FBXO3: variants seen among roughly 807,000 people sequenced by gnomAD.
FBXO3 encodes F-box only protein 3.
In FBXO3, 17 loss-of-function variants were observed where a neutral mutation model predicts 64.8. That is an observed-to-expected ratio of 0.26 (90% CI 0.18 to 0.39). FBXO3 has a LOEUF of 0.39. Ranked by LOEUF, FBXO3 falls within the 10% of genes least tolerant of loss-of-function variation. FBXO3 has a pLI of 1.00. For synonymous variants in FBXO3, 182 were observed against 201.6 expected (o/e 0.90, Z 0.82); for missense variants, 420 against 589.9 (o/e 0.71, Z 2.98).
At chr11:33,759,308 A>T (rs1281312813) in intron 3 of FBXO3, among the ~76,000 whole-genome samples, 1 of 152,230 alleles carries the variant, frequency 6.6e-6, no homozygotes, top group Non-Finnish European at 1.5e-5. Flanking sequence ...TTGTCTTTAG[A>T]CAAGAATTGC....
intron 4 of FBXO3, among the ~76,000 whole-genome samples, chr11:33,756,751 T>C (rs1427647807): frequency 2.0e-5 from 3 of 151,438 alleles, no homozygotes; most frequent in Non-Finnish European, 4.4e-5. Context: ...GATTTCTTTC[T>C]TTTTTTTTGA....
chr11:33,755,220 A>G (rs554058551), intron 5 of FBXO3, among the ~76,000 whole-genome samples: 5 of 152,340 alleles, frequency 3.3e-5, no homozygotes, highest in Non-Finnish European at 7.3e-5. Flanking sequence ...TAAAAAGTTC[A>G]TATCTAGGCA....
chr11:33,765,122 G>A (rs915056491), intron 3 of FBXO3, among the ~76,000 whole-genome samples: 3 of 152,130 alleles, frequency 2.0e-5, no homozygotes, highest in Admixed American at 6.5e-5. Context: ...ATGGAAAATC[G>A]GGGGAAATTC....
chr11:33,746,419 T>C (rs1854813754), intron 10 of FBXO3: 1 of 401,240 alleles, frequency 2.5e-6, no homozygotes, highest in African/African-American at 2.0e-5. Context: ...GTTGAAAATG[T>C]GTCAGCTCTG....
chr11:33,751,577 TAAGAGG>T lies in FBXO3; in HGVS notation c.749_754del (p.Thr250_Tyr252delinsAsn), dbSNP rs1854958813. On this transcript the variant is annotated inframe_deletion, in exon 7 of 11. Transcript: ENST00000265651. ...GCCACCTGATACAACATTTTTGACA[TAAGAGG>T]TAAACCAGTCAGTAAAAGTAGCACC... 6.2e-7 allele frequency: 1 copy of T among 1,607,658 alleles called. No individual in the cohort carries two copies. Among genetic ancestry groups the T allele is most frequent in the Non-Finnish European group, 8.5e-7 (1 of 1,177,564 alleles).
chr11:33,748,259 C>T (rs1359062013), intron 9 of FBXO3, among the ~76,000 whole-genome samples: 2 of 151,982 alleles, frequency 1.3e-5, no homozygotes, highest in African/African-American at 2.4e-5. Context: ...ATTTAGAAAA[C>T]GTTAAACTGA....
At chr11:33,769,346 C>A (rs112301357) in intron 2 of FBXO3, among the ~76,000 whole-genome samples, 2 of 151,968 alleles carry the variant, frequency 1.3e-5, no homozygotes, top group African/African-American at 4.8e-5. Context: ...CTTTTAAAGG[C>A]ATTATGTATT....
At position 33,741,075 on chromosome 11, in the gene FBXO3, T is replaced by G. The variant is rs574744724; in HGVS notation, c.*833A>C. The G allele has an allele frequency of 6.5e-6, 1 of 152,746 alleles. No individual in the cohort carries two copies. Among genetic ancestry groups the G allele is most frequent in the South Asian group, 2.1e-4 (1 of 4,828 alleles). 9.5% of individuals were successfully genotyped at this position (152,746 alleles called of 1,614,324 possible). A position where few individuals can be genotyped will look rare whatever the true frequency, so the allele number is the denominator to read the frequency against. On this transcript the variant is annotated 3_prime_UTR_variant, in exon 11 of 11. Coordinates refer to ENST00000265651, the MANE Select transcript of FBXO3 (RefSeq NM_012175.4). The stretch of plus-strand genomic sequence containing the variant: ...ATACTTAATCCTAACATAAAATTCA[T>G]GTCACTTATCACAAAGACAGTCAAG...
chr11:33,762,553 A>G (rs1471740904), intron 3 of FBXO3, among the ~76,000 whole-genome samples: 1 of 152,122 alleles, frequency 6.6e-6, no homozygotes, highest in Non-Finnish European at 1.5e-5. Flanking sequence ...TTCATGGGTT[A>G]AAGAAGAAAT....
Position 33,748,874 on chromosome 11 carries a change from A to G in FBXO3, c.951T>C (p.Asp317=). ...TYRIRIEMSK[D]ALPEKACQLD... ...ACTGACAGGCCTTCTCAGGAAGTGC[A>G]TCTTTTGACATTTCAATCCTAGAGA... The change falls in exon 9 of 11, where the codon GAT becomes GAC. Residue 317 remains aspartate (D), a synonymous_variant. Coordinates refer to ENST00000265651, the MANE Select transcript of FBXO3 (RefSeq NM_012175.4). 4 of 1,613,004 alleles carry G rather than the reference A, an allele frequency of 2.5e-6. No individual in the cohort carries two copies. Among genetic ancestry groups the G allele is most frequent in the Non-Finnish European group, 3.4e-6 (4 of 1,179,098 alleles).
chr11:33,761,416 T>C (rs1307480579), intron 3 of FBXO3, among the ~76,000 whole-genome samples: 1 of 152,200 alleles, frequency 6.6e-6, no homozygotes, highest in Non-Finnish European at 1.5e-5. Context: ...AATGAGACTT[T>C]AAGGCAAACA....
chr11:33,766,623 T>C (rs1464378144), intron 3 of FBXO3, among the ~76,000 whole-genome samples: 1 of 152,154 alleles, frequency 6.6e-6, no homozygotes, highest in African/African-American at 2.4e-5. Context: ...GATTTGAAAA[T>C]ATGTGACAAC....
intron 1 of FBXO3, chr11:33,772,924 C>T (rs1458312254): frequency 6.6e-6 from 1 of 151,884 alleles, no homozygotes; most frequent in Admixed American, 6.6e-5. Flanking sequence ...AGGGCATCTT[C>T]TCCACCTTGC....
chr11:33,773,779 G>A (rs2133631089), intron 1 of FBXO3: 1 of 152,604 alleles, frequency 6.6e-6, no homozygotes, highest in South Asian at 2.0e-4. Flanking sequence ...ATCACCGGAA[G>A]TCAGTACCAA....
At chr11:33,746,552 A>G in intron 10 of FBXO3, 1 of 642,906 alleles carries the variant, frequency 1.6e-6, no homozygotes, top group Non-Finnish European at 2.8e-6. Flanking sequence ...TGGGTATATA[A>G]TTCATATTTT....
intron 3 of FBXO3, among the ~76,000 whole-genome samples, chr11:33,764,328 T>G (rs1174879379): frequency 6.6e-6 from 1 of 152,234 alleles, no homozygotes; most frequent in African/African-American, 2.4e-5. Flanking sequence ...AGTGGTTGCC[T>G]CTGTGAAAGA....
chr11:33,751,698 A>C (rs951319187), intron 6 of FBXO3, 91 bp from the exon 7 acceptor site: 5 of 656,980 alleles, frequency 7.6e-6, no homozygotes, highest in Non-Finnish European at 1.3e-5. Flanking sequence ...TATGCTTTAG[A>C]ATGTGATACC....
chr11:33,744,584 C>T (rs566825163), intron 10 of FBXO3: 3 of 152,262 alleles, frequency 2.0e-5, no homozygotes, highest in Admixed American at 2.0e-4. Flanking sequence ...GAAAGGTCAA[C>T]AAATACAACC....
chr11:33,742,175 A>C (rs1854703474), intron 10 of FBXO3, 91 bp from the exon 11 acceptor site: 2 of 1,212,200 alleles, frequency 1.6e-6, no homozygotes, highest in Admixed American at 2.9e-5. Context: ...GAATTCAAAC[A>C]ACCAGACACG....
Sources: allele counts gnomAD v4.1 joint callset (sites outside exome capture counted in the v4.1 genomes callset), GRCh38; gene constraint gnomAD v4.1.1; transcripts MANE v1.5; gene names NCBI Gene and HGNC (gene_info 2026-07-23, HGNC 2026-07-21).